The following LRMDA variants were observed in gnomAD, a reference collection of about 807,000 sequenced individuals.
LRMDA encodes the protein leucine rich melanocyte differentiation associated, also known as leucine-rich melanocyte differentiation-associated protein.
A neutral mutation model predicts 29.8 loss-of-function variants in LRMDA; 18 were observed. That is an observed-to-expected ratio of 0.60 (90% CI 0.42 to 0.90). The LOEUF (loss-of-function observed/expected upper bound fraction) is 0.90. LRMDA is among the 40% of genes least tolerant of loss of function. The pLI is 0.00. For synonymous variants in LRMDA, 125 were observed against 109.4 expected, an observed-to-expected ratio of 1.14 and a Z score of -0.89; for missense variants, 273 against 273.9, an observed-to-expected ratio of 1.00 and a Z score of 0.02.
chr10:76,210,817 T>C (rs1292781423), intron 5 of LRMDA, among the ~76,000 whole-genome samples: 1 of 152,242 alleles, frequency 6.6e-6, no homozygotes, highest in African/African-American at 2.4e-5. Context: ...TTTGTTCTCC[T>C]GGATTCCTCA....
chr10:76,113,850 G>T (rs1404536930), intron 5 of LRMDA, among the ~76,000 whole-genome samples: 3 of 152,174 alleles, frequency 2.0e-5, no homozygotes, highest in Non-Finnish European at 2.9e-5. Flanking sequence ...AGAACGGGGT[G>T]CAAAGTTCAC....
rs942320502 is a variant in LRMDA at position 76,062,429 on chromosome 10, G to A, written c.516+3646G>A. ...ACCATCCAGGAGGTAATAAAGGCCCGATGTCGCAGAGGTCTGATTGGGTAC... is the reference window on the plus strand; with the variant it reads ...ACCATCCAGGAGGTAATAAAGGCCCAATGTCGCAGAGGTCTGATTGGGTAC... On this transcript the variant is annotated intron_variant, in intron 5 of 6. Coordinates refer to ENST00000611255, the MANE Select transcript of LRMDA (RefSeq NM_001305581.2). Among the ~76,000 whole-genome samples the A allele has an allele frequency of 2.0e-5, 3 of 152,140 alleles. No homozygotes were observed. The South Asian group carries it at 6.2e-4, about 32-fold the overall frequency.
At chr10:76,506,600 C>A (rs764917450) in intron 6 of LRMDA, among the ~76,000 whole-genome samples, 4 of 152,050 alleles carry the variant, frequency 2.6e-5, no homozygotes, top group Non-Finnish European at 5.9e-5. Flanking sequence ...TTGTAGCTAT[C>A]AACCAACTTT....
intron 5 of LRMDA, among the ~76,000 whole-genome samples, chr10:76,094,566 T>C (rs1416040006): frequency 6.6e-6 from 1 of 152,130 alleles, no homozygotes; most frequent in African/African-American, 2.4e-5. Context: ...ATTACATCAT[T>C]ATTCCAGGAA....
intron 2 of LRMDA, among the ~76,000 whole-genome samples, chr10:75,991,157 A>G (rs562361858): frequency 6.6e-6 from 1 of 152,332 alleles, no homozygotes; most frequent in South Asian, 2.1e-4. Flanking sequence ...TGGAAAATAC[A>G]TATACATATG....
chr10:75,823,215 A>C (rs1456548326), intron 2 of LRMDA, among the ~76,000 whole-genome samples: 1 of 152,242 alleles, frequency 6.6e-6, no homozygotes, highest in Non-Finnish European at 1.5e-5. Context: ...CAGACAATGC[A>C]TCTGACAAAA....
At chr10:76,158,597 T>G (rs1850586518) in intron 5 of LRMDA, among the ~76,000 whole-genome samples, 1 of 152,168 alleles carries the variant, frequency 6.6e-6, no homozygotes. Context: ...CAGTAACATA[T>G]CACTAACAAT....
At chr10:76,395,036 C>G (rs1376375392) in intron 6 of LRMDA, among the ~76,000 whole-genome samples, 1 of 152,084 alleles carries the variant, frequency 6.6e-6, no homozygotes, top group African/African-American at 2.4e-5. Context: ...CTTTTGAGTT[C>G]CAGGCATACT....
intron 6 of LRMDA, among the ~76,000 whole-genome samples, chr10:76,521,042 AG>A (rs1311441636): frequency 5.9e-5 from 9 of 152,096 alleles, no homozygotes; most frequent in African/African-American, 1.9e-4. Context: ...ATGAATACAT[AG>A]TTGTAACTCT....
At chr10:75,446,816 T>G (rs1844402121) in intron 2 of LRMDA, among the ~76,000 whole-genome samples, 1 of 152,268 alleles carries the variant, frequency 6.6e-6, no homozygotes, top group Admixed American at 6.5e-5. Flanking sequence ...AGCATATATT[T>G]GATCATGTTC....
At chr10:75,438,322 A>G (rs79203993) in intron 1 of LRMDA, 72 bp from the exon 2 acceptor site, 14 of 1,147,386 alleles carry the variant, frequency 1.2e-5, no homozygotes, top group Non-Finnish European at 1.7e-5. Flanking sequence ...TCATTGGATC[A>G]GTAATTTCAG....
intron 2 of LRMDA, among the ~76,000 whole-genome samples, chr10:76,002,851 T>C (rs1432317757): frequency 6.6e-6 from 1 of 151,956 alleles, no homozygotes; most frequent in South Asian, 2.1e-4. Context: ...CTGCAAAGAG[T>C]GGGCTGAGAG....
At chr10:75,691,057 A>T (rs909712403) in intron 2 of LRMDA, among the ~76,000 whole-genome samples, 4 of 139,430 alleles carry the variant, frequency 2.9e-5, no homozygotes, top group Non-Finnish European at 6.3e-5. Context: ...TGGCAGATAT[A>T]TATCTGCCAT....
intron 6 of LRMDA, among the ~76,000 whole-genome samples, chr10:76,410,191 C>T (rs1395025053): frequency 1.3e-5 from 2 of 149,582 alleles, no homozygotes; most frequent in South Asian, 4.2e-4. Context: ...AGGAGGTGAT[C>T]GAGGAGCTAA....
chr10:76,363,176 A>AGAAAGAAAGGAAGGAGGGAGGGAGGGAG (rs1459442138), intron 6 of LRMDA, among the ~76,000 whole-genome samples: 1 of 21,750 alleles, frequency 4.6e-5, no homozygotes, highest in African/African-American at 1.5e-4. Flanking sequence ...AAAGAAAGAA[A>AGAAAGAAAGGAAGGAGGGAGGGAGGGAG]GGAGGGAGGG....
intron 2 of LRMDA, among the ~76,000 whole-genome samples, chr10:75,769,286 C>A (rs1183200734): frequency 6.6e-6 from 1 of 152,184 alleles, no homozygotes; most frequent in Non-Finnish European, 1.5e-5. Flanking sequence ...CAAGAAAAAT[C>A]TTCCAAATCT....
intron 5 of LRMDA, among the ~76,000 whole-genome samples, chr10:76,101,285 C>T (rs1042198714): frequency 1.3e-5 from 2 of 152,078 alleles, no homozygotes; most frequent in African/African-American, 4.8e-5. Flanking sequence ...CATTCTATGC[C>T]ACATCTTGGT....
intron 2 of LRMDA, among the ~76,000 whole-genome samples, chr10:75,617,912 CAAA>C (rs1237725398): frequency 2.0e-5 from 3 of 152,182 alleles, no homozygotes; most frequent in Admixed American, 6.5e-5. Flanking sequence ...TGACCTTGGG[CAAA>C]TCAACCTCGC....
chr10:75,717,323 CCAT>C (rs1842513676), intron 2 of LRMDA, among the ~76,000 whole-genome samples: 1 of 152,204 alleles, frequency 6.6e-6, no homozygotes, highest in South Asian at 2.1e-4. Flanking sequence ...GTTGAGGTCT[CCAT>C]CAGCTCCATT....
Sources: gnomAD v4.1 joint callset for allele counts (sites outside exome capture counted in the v4.1 genomes callset) on GRCh38, gnomAD v4.1.1 for gene constraint, MANE v1.5 for transcripts, NCBI Gene and HGNC (gene_info 2026-07-23, HGNC 2026-07-21) for gene names.